The following MACROD2 variants were observed in gnomAD, a reference collection of about 807,000 sequenced individuals.
The protein encoded by MACROD2 is ADP-ribose glycohydrolase MACROD2.
In MACROD2, 36 loss-of-function variants were observed where a neutral mutation model predicts 70.4. The ratio of observed to expected loss-of-function variants is 0.51; its 90% CI spans 0.39 to 0.68. The LOEUF (loss-of-function observed/expected upper bound fraction) is 0.68, where lower values mean the gene tolerates loss of function less well. Ranked by LOEUF, MACROD2 falls within the 30% of genes least tolerant of loss-of-function variation. The probability of loss-of-function intolerance (pLI) is 0.00; values close to 1 mark genes in which losing one functional copy is unlikely to be tolerated. For synonymous variants in MACROD2, 172 were observed against 178.8 expected (o/e 0.96, Z 0.30); for missense variants, 496 against 538.4 (o/e 0.92, Z 0.78).
Position 14,789,460 on chromosome 20 carries a change from A to ATTCTTTTTTT in MACROD2, c.418+104503_418+104504insCTTTTTTTTT, listed in dbSNP as rs1555830595. Among the ~76,000 whole-genome samples, 9 of 48,326 alleles carry ATTCTTTTTTT rather than the reference A, an allele frequency of 1.9e-4. 1 individual carries two copies. The highest frequency in any genetic ancestry group is 4.3e-4 in the African/African-American group (5 of 11,652). 31.7% of individuals were successfully genotyped at this position (48,326 alleles called of 152,430 possible). On this transcript the variant is annotated intron_variant, in intron 5 of 17. Transcript: ENST00000684519. ...CTTGTGGATTAATCAGGTAGTGCAA[A>ATTCTTTTTTT]TTTTTTTTTTTTTTTTTTTTTTTTT... is the stretch of plus-strand genomic sequence containing the variant.
At chr20:15,204,065 C>T (rs2076680340) in intron 5 of MACROD2, among the ~76,000 whole-genome samples, 1 of 151,954 alleles carries the variant, frequency 6.6e-6, no homozygotes, top group Non-Finnish European at 1.5e-5. Flanking sequence ...CTTATAACTC[C>T]CTTCCCCAAT....
At chr20:15,004,350 A>G (rs1364927175) in intron 5 of MACROD2, among the ~76,000 whole-genome samples, 1 of 152,212 alleles carries the variant, frequency 6.6e-6, no homozygotes, top group African/African-American at 2.4e-5. Context: ...CAAGTCATAA[A>G]AGTACCTTAC....
At chr20:14,564,426 G>T (rs1465508961) in intron 4 of MACROD2, among the ~76,000 whole-genome samples, 1 of 151,828 alleles carries the variant, frequency 6.6e-6, no homozygotes. Flanking sequence ...TAGAATGGGA[G>T]AAAATATTTG....
intron 4 of MACROD2, chr20:14,628,865 G>T (rs1016611124): frequency 6.6e-6 from 1 of 152,016 alleles, no homozygotes. Context: ...TATTTAGTGT[G>T]GTCTCTTACC....
intron 8 of MACROD2, among the ~76,000 whole-genome samples, chr20:15,660,192 A>T (rs1337634816): frequency 6.6e-6 from 1 of 152,192 alleles, no homozygotes; most frequent in Non-Finnish European, 1.5e-5. Context: ...TACCAAAGTG[A>T]TGTGCTTATT....
chr20:15,322,367 T>G (rs538899370), intron 6 of MACROD2, among the ~76,000 whole-genome samples: 2 of 143,572 alleles, frequency 1.4e-5, no homozygotes, highest in African/African-American at 5.0e-5. Context: ...TCCTCTGTAA[T>G]GGACTGAGTA....
At chr20:14,541,385 T>A (rs1015509839) in intron 4 of MACROD2, among the ~76,000 whole-genome samples, 2 of 152,150 alleles carry the variant, frequency 1.3e-5, no homozygotes, top group African/African-American at 4.8e-5. Flanking sequence ...TCAGAGTCCA[T>A]CTTGTCGGGG....
intron 5 of MACROD2, among the ~76,000 whole-genome samples, chr20:14,940,171 A>AAAG (rs2074377954): frequency 6.7e-6 from 1 of 149,186 alleles, no homozygotes; most frequent in Admixed American, 6.6e-5. Flanking sequence ...AAAAAAAAAA[A>AAAG]AAAAATTAAA....
intron 7 of MACROD2, among the ~76,000 whole-genome samples, chr20:15,437,419 G>A (rs2046440915): frequency 1.3e-5 from 2 of 152,006 alleles, no homozygotes; most frequent in South Asian, 4.1e-4. Flanking sequence ...CACCAAATTC[G>A]CACATACCAT....
intron 3 of MACROD2, among the ~76,000 whole-genome samples, chr20:14,167,538 C>T (rs988091291): frequency 5.9e-5 from 9 of 151,898 alleles, no homozygotes; most frequent in Middle Eastern, 3.4e-3. Context: ...CGCCCACCAC[C>T]ATGCCCAGCT....
At chr20:15,906,672 C>T (rs1389807815) in intron 10 of MACROD2, among the ~76,000 whole-genome samples, 8 of 151,880 alleles carry the variant, frequency 5.3e-5, no homozygotes. Context: ...CAGTCTGGAA[C>T]AGTTTCCCAA....
intron 8 of MACROD2, among the ~76,000 whole-genome samples, chr20:15,824,977 A>C (rs964641651): frequency 6.6e-6 from 1 of 152,210 alleles, no homozygotes; most frequent in Non-Finnish European, 1.5e-5. Context: ...TATTCTAAGA[A>C]AATAAATAAA....
intron 5 of MACROD2, among the ~76,000 whole-genome samples, chr20:14,793,079 A>G (rs1447878308): frequency 2.6e-5 from 4 of 152,066 alleles, no homozygotes; most frequent in Non-Finnish European, 5.9e-5. Context: ...AGCCTGGTCT[A>G]ATGGAGATGA....
chr20:15,428,867 C>A (rs1239022366), intron 6 of MACROD2, among the ~76,000 whole-genome samples: 1 of 152,106 alleles, frequency 6.6e-6, no homozygotes, highest in African/African-American at 2.4e-5. Context: ...GCCTTCCCTA[C>A]ACCTTGAGGG....
intron 3 of MACROD2, among the ~76,000 whole-genome samples, chr20:14,130,207 G>A (rs2054699958): frequency 6.6e-6 from 1 of 152,126 alleles, no homozygotes; most frequent in Non-Finnish European, 1.5e-5. Flanking sequence ...AAATATGTGT[G>A]GCAAGAATAG....
At chr20:14,494,551 A>T (rs2084832555) in intron 4 of MACROD2, among the ~76,000 whole-genome samples, 1 of 152,138 alleles carries the variant, frequency 6.6e-6, no homozygotes, top group South Asian at 2.1e-4. Flanking sequence ...GGGATTTGAA[A>T]TTGGACTTAC....
At chr20:15,419,318 C>T (rs754690252) in intron 6 of MACROD2, among the ~76,000 whole-genome samples, 7 of 152,126 alleles carry the variant, frequency 4.6e-5, no homozygotes, top group Non-Finnish European at 7.4e-5. Flanking sequence ...ATTTGATTCC[C>T]GAGCTCTATG....
intron 5 of MACROD2, among the ~76,000 whole-genome samples, chr20:15,190,158 G>C (rs2076560851): frequency 6.6e-6 from 1 of 152,106 alleles, no homozygotes; most frequent in African/African-American, 2.4e-5. Context: ...CCCCTAACAA[G>C]GGCAGTATGT....
At chr20:15,991,748 G>A (rs1315747211) in intron 15 of MACROD2, among the ~76,000 whole-genome samples, 1 of 151,878 alleles carries the variant, frequency 6.6e-6, no homozygotes, top group African/African-American at 2.4e-5. Context: ...AGTTTTCTAG[G>A]GCAGTTTTAC....
Sources: gnomAD v4.1 joint callset for allele counts (sites outside exome capture counted in the v4.1 genomes callset) on GRCh38, gnomAD v4.1.1 for gene constraint, MANE v1.5 for transcripts, NCBI Gene and HGNC (gene_info 2026-07-23, HGNC 2026-07-21) for gene names.